LRRC28: variants seen among roughly 807,000 people sequenced by gnomAD.
LRRC28 encodes the protein leucine-rich repeat-containing protein 28.
A neutral mutation model predicts 45.7 loss-of-function variants in LRRC28; 39 were observed. That is an observed-to-expected ratio of 0.85 (90% CI 0.66 to 1.12). The LOEUF (loss-of-function observed/expected upper bound fraction) is 1.12. Ranked by LOEUF, LRRC28 falls within the 50% of genes most tolerant of loss-of-function variation. The probability of loss-of-function intolerance (pLI) is 0.00; values close to 1 mark genes in which losing one functional copy is unlikely to be tolerated. For synonymous variants in LRRC28, 206 were observed against 178.8 expected (o/e 1.15, Z -1.22); for missense variants, 435 against 438.5 (o/e 0.99, Z 0.07).
At chr15:99,340,207 ATTTG>A (rs1224733830) in intron 6 of LRRC28, among the ~76,000 whole-genome samples, 1 of 152,184 alleles carries the variant, frequency 6.6e-6, no homozygotes, top group Non-Finnish European at 1.5e-5. Flanking sequence ...GTACACTTGT[ATTTG>A]TTTGTAGGAA....
intron 9 of LRRC28, among the ~76,000 whole-genome samples, chr15:99,367,505 C>G (rs1420787939): frequency 6.6e-6 from 1 of 152,104 alleles, no homozygotes; most frequent in Non-Finnish European, 1.5e-5. Flanking sequence ...TAACCCACTC[C>G]TGTGATAATG....
intron 6 of LRRC28, among the ~76,000 whole-genome samples, chr15:99,341,216 G>A (rs908810021): frequency 6.7e-5 from 10 of 149,702 alleles, no homozygotes; most frequent in Admixed American, 4.7e-4. Context: ...TCAGCCTCCC[G>A]AGTAGCTGGG....
intron 5 of LRRC28, among the ~76,000 whole-genome samples, chr15:99,331,694 C>G (rs1163064235): frequency 6.6e-6 from 1 of 152,186 alleles, no homozygotes; most frequent in Non-Finnish European, 1.5e-5. Context: ...CTCTCTCTCT[C>G]TCTCTCTGTT....
rs763511254 is a variant in LRRC28 at position 99,287,773 on chromosome 15, T to C, written c.248-41T>C. The stretch of plus-strand genomic sequence containing the variant: ...TTGCTTTAAAGATTTGATGTAATAC[T>C]TGAGTCAAATTCATTTTGCCTTCTC... On this transcript the variant is annotated intron_variant, in intron 4 of 9. Coordinates refer to ENST00000301981, the MANE Select transcript of LRRC28 (RefSeq NM_144598.5). 9 of 1,561,370 alleles carry C rather than the reference T, an allele frequency of 5.8e-6. No homozygotes were observed. The African/African-American group carries it at 1.1e-4, about 19-fold the overall frequency.
At chr15:99,303,615 C>G (rs1295185808) in intron 5 of LRRC28, among the ~76,000 whole-genome samples, 3 of 152,114 alleles carry the variant, frequency 2.0e-5, no homozygotes, top group African/African-American at 7.2e-5. Flanking sequence ...GGGAGGATCA[C>G]TTGAGGTCAG....
At chr15:99,267,829 C>T (rs181438841) in intron 2 of LRRC28, among the ~76,000 whole-genome samples, 6 of 152,088 alleles carry the variant, frequency 3.9e-5, no homozygotes, top group Admixed American at 2.0e-4. Context: ...TAATGTGAAA[C>T]GGTGATTCCT....
intron 9 of LRRC28, among the ~76,000 whole-genome samples, chr15:99,381,933 C>G (rs1445141564): frequency 6.6e-6 from 1 of 152,216 alleles, no homozygotes; most frequent in Non-Finnish European, 1.5e-5. Flanking sequence ...AGGTGTCAGT[C>G]TGCCCCTACT....
chr15:99,331,646 T>C (rs1240672791), intron 5 of LRRC28, among the ~76,000 whole-genome samples: 1 of 152,164 alleles, frequency 6.6e-6, no homozygotes, highest in Middle Eastern at 3.2e-3. Context: ...TCCAGGCTCC[T>C]CTACCCAATA....
chr15:99,338,644 G>T (rs1192910703), intron 6 of LRRC28, among the ~76,000 whole-genome samples: 3 of 152,182 alleles, frequency 2.0e-5, no homozygotes, highest in African/African-American at 7.2e-5. Flanking sequence ...GCCACTTAAT[G>T]AATTCAATTT....
At position 99,363,119 on chromosome 15, in the gene LRRC28, G is replaced by C; in HGVS notation, c.885G>C (p.Leu295=). 1 of 1,607,516 alleles carries C rather than the reference G, an allele frequency of 6.2e-7. No homozygotes were observed. The highest frequency in any genetic ancestry group is 1.3e-5 in the African/African-American group (1 of 74,696). Residue 295 remains leucine (L), a synonymous_variant, in exon 9 of 10, where the codon CTG becomes CTC. Coordinates refer to ENST00000301981, the MANE Select transcript of LRRC28 (RefSeq NM_144598.5). The stretch of plus-strand genomic sequence containing the variant: ...TTTGTGTTCCAGATTTGAACTTTCT[G>C]TCTCCAATCTCATTACCCAGAAGTC... ...YHSLLKDLNF[L]SPISLPRSLL...
intron 7 of LRRC28, among the ~76,000 whole-genome samples, chr15:99,360,236 A>G (rs139575700): frequency 1.3e-5 from 2 of 152,204 alleles, no homozygotes; most frequent in East Asian, 3.9e-4. Context: ...ACTGCTGCAC[A>G]TGCTGTTCCC....
chr15:99,259,416 G>C (rs2081125111), intron 2 of LRRC28: 5 of 1,463,822 alleles, frequency 3.4e-6, no homozygotes, highest in Non-Finnish European at 4.8e-6. Context: ...TTTGATGACA[G>C]TGAGAAAACT....
chr15:99,300,131 A>G (rs1597283098), intron 5 of LRRC28, among the ~76,000 whole-genome samples: 2 of 151,636 alleles, frequency 1.3e-5, no homozygotes, highest in African/African-American at 2.4e-5. Context: ...TTTTTTCTTA[A>G]TAACAGCAGG....
chr15:99,369,034 T>C (rs1273836897), intron 9 of LRRC28, among the ~76,000 whole-genome samples: 1 of 152,200 alleles, frequency 6.6e-6, no homozygotes, highest in Admixed American at 6.5e-5. Flanking sequence ...ACTCAAGTCC[T>C]TTGCTACTTT....
At position 99,259,646 on chromosome 15, in the gene LRRC28, C is replaced by T. The variant is rs201415351; in HGVS notation, c.168+3521C>T. 86 of 1,430,518 alleles carry T rather than the reference C, an allele frequency of 6.0e-5. 1 individual carries two copies. The East Asian group carries it at 1.9e-3, about 32-fold the overall frequency. The allele number at this position is 1,430,518 out of a possible 1,614,324, so 88.6% of individuals were successfully genotyped here. A position where few individuals can be genotyped will look rare whatever the true frequency, so the allele number is the denominator to read the frequency against. On this transcript the variant is annotated intron_variant, in intron 2 of 9. Coordinates refer to ENST00000301981, the MANE Select transcript of LRRC28 (RefSeq NM_144598.5). ...GGGCAAGGGCATCTCTACAAATTAC[C>T]ATGCGAGTCGGAAGAAAACATTTGA...
intron 5 of LRRC28, among the ~76,000 whole-genome samples, chr15:99,307,847 A>T (rs1955244967): frequency 6.6e-6 from 1 of 152,224 alleles, no homozygotes; most frequent in Non-Finnish European, 1.5e-5. Flanking sequence ...ATTTTGTGTG[A>T]CCTTGGTCAC....
At chr15:99,344,840 G>A (rs1956628922) in intron 6 of LRRC28, among the ~76,000 whole-genome samples, 1 of 152,144 alleles carries the variant, frequency 6.6e-6, no homozygotes, top group East Asian at 1.9e-4. Context: ...CCCATTTTGT[G>A]CCCTTGGTTT....
intron 5 of LRRC28, among the ~76,000 whole-genome samples, chr15:99,331,683 GCTCTCT>G (rs149368532): frequency 2.0e-5 from 3 of 149,106 alleles, no homozygotes; most frequent in Admixed American, 1.3e-4. Flanking sequence ...TCTCCACCAA[GCTCTCT>G]CTCTCTCTCT....
chr15:99,258,658 C>T, intron 2 of LRRC28: 2 of 747,488 alleles, frequency 2.7e-6, no homozygotes, highest in East Asian at 2.8e-5. Flanking sequence ...CAGAGACCAT[C>T]CAAGAAGTAG....
Sources: allele counts gnomAD v4.1 joint callset (sites outside exome capture counted in the v4.1 genomes callset), GRCh38; gene constraint gnomAD v4.1.1; transcripts MANE v1.5; gene names NCBI Gene and HGNC (gene_info 2026-07-23, HGNC 2026-07-21).